Variants in KHDC1 observed in about 807,000 individuals in gnomAD.
KHDC1 encodes KH domain containing 1.
A neutral mutation model predicts 24.7 loss-of-function variants in KHDC1; 21 were observed. The ratio of observed to expected loss-of-function variants is 0.85; its 90% CI spans 0.60 to 1.23. The LOEUF is 1.23. KHDC1 is among the 50% of genes most tolerant of loss of function. The probability of loss-of-function intolerance (pLI) is 0.00; values close to 1 mark genes in which losing one functional copy is unlikely to be tolerated. For missense variants in KHDC1, 274 were observed against 298.5 expected, an observed-to-expected ratio of 0.92 and a Z score of 0.61; for synonymous variants, 98 against 111.7, an observed-to-expected ratio of 0.88 and a Z score of 0.77.
chr6:73,296,684 C>A (rs1334067702), intron 1 of KHDC1, among the ~76,000 whole-genome samples: 1 of 152,160 alleles, frequency 6.6e-6, no homozygotes. Context: ...CTCTTTCTAG[C>A]ACTATGATAA....
intron 2 of KHDC1, among the ~76,000 whole-genome samples, chr6:73,287,552 C>T (rs921725795): frequency 3.9e-5 from 6 of 152,186 alleles, no homozygotes; most frequent in Non-Finnish European, 8.8e-5. Flanking sequence ...AACTGAATGA[C>T]TGAAGGAGAG....
chr6:73,271,457 T>A (rs1265447355), intron 2 of KHDC1, among the ~76,000 whole-genome samples: 1 of 151,268 alleles, frequency 6.6e-6, no homozygotes, highest in East Asian at 2.0e-4. Context: ...TCCACCTGCC[T>A]TGGCCTCCCA....
At chr6:73,258,064 T>C (rs922059987) in intron 2 of KHDC1, among the ~76,000 whole-genome samples, 5 of 152,212 alleles carry the variant, frequency 3.3e-5, no homozygotes, top group African/African-American at 1.2e-4. Flanking sequence ...GAGACCAGCC[T>C]GGCCAACATG....
chr6:73,249,307 T>C (rs1237267112), intron 2 of KHDC1, among the ~76,000 whole-genome samples: 1 of 151,984 alleles, frequency 6.6e-6, no homozygotes, highest in Non-Finnish European at 1.5e-5. Context: ...TATTCAACAT[T>C]GAAAAAGTAT....
chr6:73,273,615 G>C (rs946212049), intron 2 of KHDC1, among the ~76,000 whole-genome samples: 1 of 151,116 alleles, frequency 6.6e-6, no homozygotes, highest in Non-Finnish European at 1.5e-5. Context: ...AGGAGATCGA[G>C]ACCATCCTGG....
intron 1 of KHDC1, among the ~76,000 whole-genome samples, chr6:73,306,688 G>C (rs561251678): frequency 3.3e-5 from 5 of 152,118 alleles, no homozygotes; most frequent in Non-Finnish European, 5.9e-5. Context: ...CCGGGGCAGT[G>C]GGGGTGGGAG....
chr6:73,294,005 C>CAAAAAAAAA (rs111522900), intron 1 of KHDC1, among the ~76,000 whole-genome samples: 1 of 64,908 alleles, frequency 1.5e-5, no homozygotes, highest in African/African-American at 4.5e-5. Context: ...GACTCCACCT[C>CAAAAAAAAA]AAAAAAAAAA....
At chr6:73,297,740 AG>A (rs1293673219) in intron 1 of KHDC1, among the ~76,000 whole-genome samples, 1 of 152,188 alleles carries the variant, frequency 6.6e-6, no homozygotes, top group East Asian at 1.9e-4. Flanking sequence ...AAATGCAAGC[AG>A]GAATACATGG....
At position 73,302,843 on chromosome 6, in the gene KHDC1, G is replaced by A. The variant is rs1015037111; in HGVS notation, c.163+6709C>T. 5.3e-5 allele frequency among the ~76,000 whole-genome samples: 8 copies of A among 152,300 alleles called. No homozygotes were observed. In the East Asian group the frequency reaches 9.7e-4, roughly 18 times the overall value. On this transcript the variant is annotated intron_variant, in intron 1 of 4. Transcript: ENST00000370384. ...TGTAATCCCAGCACTTTGGGAGGCCGAGGTGTGCCGATCACATGAGGACAG... is the reference window on the plus strand; with the variant it reads ...TGTAATCCCAGCACTTTGGGAGGCCAAGGTGTGCCGATCACATGAGGACAG...
chr6:73,242,610 T>C (rs1255470864), intron 2 of KHDC1, 80 bp from the exon 2 acceptor site: 2 of 1,579,552 alleles, frequency 1.3e-6, no homozygotes, highest in Non-Finnish European at 1.7e-6. Flanking sequence ...GGCTCTGTCC[T>C]TAACATAGGA....
chr6:73,292,260 C>T (rs906502758), intron 1 of KHDC1: 26 of 1,348,580 alleles, frequency 1.9e-5, no homozygotes, highest in African/African-American at 1.7e-4. Flanking sequence ...GATCCAGAAA[C>T]GACAAGGCAA....
chr6:73,277,527 A>G (rs1196291873), intron 2 of KHDC1, among the ~76,000 whole-genome samples: 1 of 152,150 alleles, frequency 6.6e-6, no homozygotes. Flanking sequence ...TTAAATGACA[A>G]AACACATTAT....
intron 2 of KHDC1, among the ~76,000 whole-genome samples, chr6:73,273,006 G>A (rs1255277352): frequency 1.3e-5 from 2 of 150,152 alleles, no homozygotes; most frequent in African/African-American, 2.4e-5. Flanking sequence ...TTATAGGCAC[G>A]TGCCACCACG....
At chr6:73,309,935 C>A in exon 1 of KHDC1, 3 of 511,026 alleles carry the variant, frequency 5.9e-6, no homozygotes, top group Admixed American at 4.1e-5. Flanking sequence ...GGGCACGGGA[C>A]CACATGCGGC....
intron 2 of KHDC1, among the ~76,000 whole-genome samples, chr6:73,288,353 G>A (rs991485652): frequency 6.6e-6 from 1 of 152,354 alleles, no homozygotes; most frequent in Middle Eastern, 3.4e-3. Context: ...GGGCACGGTG[G>A]TTCACGCTTG....
intron 2 of KHDC1, among the ~76,000 whole-genome samples, chr6:73,247,752 G>A (rs1454993029): frequency 6.6e-6 from 1 of 151,784 alleles, no homozygotes; most frequent in South Asian, 2.1e-4. Flanking sequence ...AGCTACTCGG[G>A]AGGCTGAGGT....
intron 1 of KHDC1, among the ~76,000 whole-genome samples, chr6:73,304,773 A>T (rs1378880284): frequency 6.6e-6 from 1 of 152,200 alleles, no homozygotes; most frequent in Non-Finnish European, 1.5e-5. Flanking sequence ...CTGTGAAACA[A>T]GGTCCAGTTT....
chr6:73,291,871 A>C, intron 2 of KHDC1: 1 of 1,012,776 alleles, frequency 9.9e-7, no homozygotes, highest in East Asian at 2.6e-5. Flanking sequence ...ACTATTACAC[A>C]ATACATTCAT....
intron 1 of KHDC1, among the ~76,000 whole-genome samples, chr6:73,305,575 G>T (rs1361940126): frequency 1.3e-5 from 2 of 152,034 alleles, no homozygotes; most frequent in African/African-American, 4.8e-5. Flanking sequence ...AGCCCTCAAA[G>T]GTTAACAAAT....
Sources: allele counts gnomAD v4.1 joint callset (sites outside exome capture counted in the v4.1 genomes callset), GRCh38; gene constraint gnomAD v4.1.1; transcripts MANE v1.5; gene names NCBI Gene and HGNC (gene_info 2026-07-23, HGNC 2026-07-21).